The following APBB1IP variants were observed in gnomAD, a reference collection of about 807,000 sequenced individuals.
The protein encoded by APBB1IP is amyloid beta precursor protein binding family B member 1 interacting protein, also known as amyloid beta A4 precursor protein-binding family B member 1-interacting protein.
Under a neutral mutation model 64.9 loss-of-function variants are expected in APBB1IP, and 27 were observed. The ratio of observed to expected loss-of-function variants is 0.42; its 90% confidence interval spans 0.31 to 0.57. The LOEUF is 0.57. Ranked by LOEUF, APBB1IP falls within the 20% of genes least tolerant of loss-of-function variation. APBB1IP has a pLI of 0.20. For synonymous variants in APBB1IP, 392 were observed against 331.0 expected (o/e 1.18, Z -2.00); for missense variants, 812 against 845.5 (o/e 0.96, Z 0.49).
intron 8 of APBB1IP, among the ~76,000 whole-genome samples, chr10:26,514,451 A>G (rs1452708679): frequency 6.6e-6 from 1 of 152,246 alleles, no homozygotes; most frequent in Non-Finnish European, 1.5e-5. Flanking sequence ...AGTAAAAAGC[A>G]TAAATTTATA....
At chr10:26,537,636 A>G (rs1407464155) in intron 10 of APBB1IP, among the ~76,000 whole-genome samples, 2 of 152,182 alleles carry the variant, frequency 1.3e-5, no homozygotes, top group Non-Finnish European at 2.9e-5. Context: ...ATGAGAATTA[A>G]AAGTGTTTAC....
intron 13 of APBB1IP, 87 bp from the exon 14 acceptor site, chr10:26,562,239 T>G: frequency 9.9e-7 from 1 of 1,005,482 alleles, no homozygotes; most frequent in Non-Finnish European, 1.5e-6. Flanking sequence ...GCTTTAGAGA[T>G]GCAAACTGCT....
At chr10:26,444,521 G>T (rs911691381) in intron 2 of APBB1IP, among the ~76,000 whole-genome samples, 9 of 152,308 alleles carry the variant, frequency 5.9e-5, no homozygotes, top group African/African-American at 1.9e-4. Context: ...GGAATGTGGG[G>T]TGTTTGAGAA....
chr10:26,446,671 A>T lies in APBB1IP; in HGVS notation c.-1+7818A>T, dbSNP rs74128311. On this transcript the variant is annotated intron_variant, in intron 2 of 14. Coordinates refer to ENST00000376236, the MANE Select transcript of APBB1IP (RefSeq NM_019043.4). ...TTCACCACACGTCTATTGATGGCCA[A>T]CCCCATGCCAGTGTAGGGGGCACGT... is the stretch of plus-strand genomic sequence containing the variant. Among the ~76,000 whole-genome samples the T allele has an allele frequency of 9.0e-3, 1,365 of 152,246 alleles. 35 individuals are homozygous for T. Among genetic ancestry groups the T allele is most frequent in the African/African-American group, 0.032 (1,312 of 41,524 alleles).
intron 2 of APBB1IP, among the ~76,000 whole-genome samples, chr10:26,488,626 ACTTCCCT>A (rs1206618493): frequency 6.6e-6 from 1 of 152,194 alleles, no homozygotes; most frequent in East Asian, 1.9e-4. Flanking sequence ...CCTCATGCTG[ACTTCCCT>A]CATGAACCAG....
In APBB1IP at chr10:26,492,310, G is replaced by C. The variant is rs994948585; in HGVS notation, c.1-17G>C. On this transcript the variant is annotated splice_polypyrimidine_tract_variant and intron_variant, in intron 2 of 14. Transcript: ENST00000376236. ...CTTTTATGAGACTGCTAATATCTCA[G>C]TTTCTTCCTTTTTCAGATGGGTGAG... The C allele has an allele frequency of 5.0e-6, 8 of 1,611,878 alleles. No homozygotes were observed. The highest frequency in any genetic ancestry group is 6.8e-6 in the Non-Finnish European group (8 of 1,178,506).
intron 11 of APBB1IP, among the ~76,000 whole-genome samples, chr10:26,544,376 C>T (rs1281673612): frequency 6.6e-6 from 1 of 152,196 alleles, no homozygotes; most frequent in Non-Finnish European, 1.5e-5. Context: ...AATGCAGGTT[C>T]CCAGGCCCTA....
chr10:26,456,658 T>G (rs4749145), intron 2 of APBB1IP, among the ~76,000 whole-genome samples: 59,313 of 149,374 alleles, frequency 0.4, 11,935 homozygotes, highest in South Asian at 0.5. Context: ...AGGATGGCTT[T>G]TGTCCAGGAG....
intron 3 of APBB1IP, among the ~76,000 whole-genome samples, chr10:26,493,796 A>T (rs1321860910): frequency 1.3e-5 from 2 of 152,200 alleles, no homozygotes; most frequent in African/African-American, 4.8e-5. Flanking sequence ...CCCTGTGGTT[A>T]CTTCTATAAA....
At chr10:26,465,112 G>A (rs183450921) in intron 2 of APBB1IP, among the ~76,000 whole-genome samples, 8 of 152,340 alleles carry the variant, frequency 5.3e-5, no homozygotes, top group East Asian at 1.9e-4. Context: ...CAGACCAGGC[G>A]TGATTCCCAT....
Position 26,533,492 on chromosome 10 carries a change from A to T in APBB1IP, c.867A>T (p.Lys289Asn), listed in dbSNP as rs1176028859. 6.2e-7 allele frequency: 1 copy of T among 1,605,736 alleles called. No individual in the cohort carries two copies. The highest frequency in any genetic ancestry group is 8.5e-7 in the Non-Finnish European group (1 of 1,176,878). The change falls in exon 9 of 15, where the codon AAA becomes AAT. Residue 289 changes from lysine to asparagine, a missense_variant. By Grantham distance (94) the Lys-to-Asn change is moderately conservative (BLOSUM62 0). Coordinates refer to ENST00000376236, the MANE Select transcript of APBB1IP (RefSeq NM_019043.4). ...GKKESKETNE[K>N]MNAKNKESLL... ...AAGAAAGCAAGGAAACTAATGAGAA[A>T]ATGAATGCTAAGAACAAGGAATCCT...
At chr10:26,521,966 G>A (rs1836407628) in intron 8 of APBB1IP, among the ~76,000 whole-genome samples, 1 of 152,048 alleles carries the variant, frequency 6.6e-6, no homozygotes, top group African/African-American at 2.4e-5. Context: ...GGCCAGACTG[G>A]TCTTGAACTC....
intron 2 of APBB1IP, among the ~76,000 whole-genome samples, chr10:26,469,561 T>A (rs563087908): frequency 1.3e-5 from 2 of 152,282 alleles, no homozygotes; most frequent in South Asian, 4.1e-4. Flanking sequence ...ATATAAGCAT[T>A]TTCTATTTTT....
intron 2 of APBB1IP, among the ~76,000 whole-genome samples, chr10:26,446,344 G>A (rs1225441272): frequency 6.6e-6 from 1 of 152,136 alleles, no homozygotes; most frequent in African/African-American, 2.4e-5. Context: ...TTTCATAAAC[G>A]GTATGGCTTA....
intron 2 of APBB1IP, among the ~76,000 whole-genome samples, chr10:26,441,703 G>A (rs564562849): frequency 6.6e-6 from 1 of 152,118 alleles, no homozygotes; most frequent in East Asian, 1.9e-4. Context: ...GGCATCACAC[G>A]TTCTCATTAT....
At chr10:26,454,800 C>T (rs1835504158) in intron 2 of APBB1IP, among the ~76,000 whole-genome samples, 1 of 152,170 alleles carries the variant, frequency 6.6e-6, no homozygotes, top group Admixed American at 6.5e-5. Context: ...ATGCATTGCA[C>T]GCCTGTATCC....
chr10:26,552,989 C>A (rs1006981973), intron 11 of APBB1IP, among the ~76,000 whole-genome samples: 3 of 151,364 alleles, frequency 2.0e-5, no homozygotes, highest in Non-Finnish European at 4.4e-5. Flanking sequence ...CTCAGACTTC[C>A]TGAGAAAGTG....
At position 26,559,896 on chromosome 10, in the gene APBB1IP, G is replaced by C. The variant is rs75379265; in HGVS notation, c.1156-209G>C. 8.2e-3 allele frequency among the ~76,000 whole-genome samples: 1,240 copies of C among 151,718 alleles called. 12 individuals carry two copies. The highest frequency in any genetic ancestry group is 0.029 in the African/African-American group (1,185 of 41,360). On this transcript the variant is annotated intron_variant, in intron 11 of 14. Coordinates refer to ENST00000376236, the MANE Select transcript of APBB1IP (RefSeq NM_019043.4). ...TGACTTCAAGTGATCTGCTCGCCTC[G>C]GCCTCCCAACATATAACAAATTTCT...
rs926988944 is a variant in APBB1IP at position 26,510,484 on chromosome 10, G to A, written c.532-1263G>A. Among the ~76,000 whole-genome samples the A allele has an allele frequency of 2.0e-5, 3 of 152,290 alleles. No individual in the cohort carries two copies. In the East Asian group the frequency reaches 5.8e-4, roughly 29 times the overall value. On this transcript the variant is annotated intron_variant, in intron 6 of 14. Transcript: ENST00000376236. ...ACAGTGGCTCATGCCTGTAATCCCA[G>A]CACTTTAGGCCGGTGAGGCAGGAGA...
Sources: allele counts gnomAD v4.1 joint callset (sites outside exome capture counted in the v4.1 genomes callset), GRCh38; gene constraint gnomAD v4.1.1; transcripts MANE v1.5; gene names NCBI Gene and HGNC (gene_info 2026-07-23, HGNC 2026-07-21).